Variants in TINAG observed in about 807,000 individuals in gnomAD.
The protein encoded by TINAG is tubulointerstitial nephritis antigen.
Under a neutral mutation model 72.7 loss-of-function variants are expected in TINAG, and 83 were observed. The observed-to-expected ratio is 1.14, with a 90% CI of 0.96 to 1.37. TINAG has a LOEUF of 1.37. Ranked by LOEUF, TINAG falls within the 40% of genes most tolerant of loss-of-function variation. TINAG has a pLI of 0.00. For missense variants in TINAG, 685 were observed against 576.6 expected (o/e 1.19, Z -1.93); for synonymous variants, 234 against 189.9 (o/e 1.23, Z -1.91).
intron 9 of TINAG, among the ~76,000 whole-genome samples, chr6:54,375,672 G>T (rs1279716316): frequency 6.6e-6 from 1 of 151,976 alleles, no homozygotes; most frequent in Non-Finnish European, 1.5e-5. Flanking sequence ...ATCTATTTAG[G>T]GTCAACTGTG....
intron 5 of TINAG, among the ~76,000 whole-genome samples, chr6:54,343,847 A>G (rs1370505531): frequency 1.3e-5 from 2 of 152,186 alleles, no homozygotes; most frequent in African/African-American, 4.8e-5. Flanking sequence ...ATATAAGCAA[A>G]TATATAGGTT....
chr6:54,366,776 G>C (rs1346318621), intron 9 of TINAG, among the ~76,000 whole-genome samples: 1 of 151,662 alleles, frequency 6.6e-6, no homozygotes, highest in Non-Finnish European at 1.5e-5. Flanking sequence ...ACCTACTGTG[G>C]AATGTAGTCA....
intron 3 of TINAG, among the ~76,000 whole-genome samples, chr6:54,324,162 T>G (rs1784553663): frequency 6.6e-6 from 1 of 152,158 alleles, no homozygotes; most frequent in African/African-American, 2.4e-5. Context: ...TAACAAACCA[T>G]TCCAGGATTC....
intron 9 of TINAG, chr6:54,367,166 T>C (rs1763458718): frequency 6.6e-6 from 1 of 151,760 alleles, no homozygotes; most frequent in African/African-American, 2.4e-5. Context: ...CCGTATCCTT[T>C]GAAATGATGT....
In TINAG at chr6:54,343,227, C is replaced by G. The variant is rs1337739603; in HGVS notation, c.626C>G (p.Ala209Gly). Residue 209 changes from alanine (A) to glycine (G), a missense_variant and splice_region_variant, in exon 5 of 11, where the codon GCT (alanine) becomes GGT (glycine). Ala to Gly is a moderately conservative substitution (Grantham distance 60). Coordinates refer to ENST00000259782, the MANE Select transcript of TINAG (RefSeq NM_014464.4). ...PMLLSMNEMT[A>G]SLPATTDLPE... ...TATGTACCTCTTCTTCCTCTTTAGG[C>G]TTCTTTACCTGCAACAACTGATCTT... is the stretch of plus-strand genomic sequence containing the variant. 5 of 1,554,442 alleles carry G rather than the reference C, an allele frequency of 3.2e-6. No homozygotes were observed. Among genetic ancestry groups the G allele is most frequent in the East Asian group, 4.7e-5 (2 of 42,430 alleles).
At position 54,378,607 on chromosome 6, in the gene TINAG, C is replaced by T. The variant is rs142832158; in HGVS notation, c.1251-1919C>T. On this transcript the variant is annotated intron_variant, in intron 9 of 10. Transcript: ENST00000259782. ...TTGAACAAAAGTAAAAGTAATAGTT[C>T]GTATTTCTTAAAAGTTTCCAAGCTA... is the stretch of plus-strand genomic sequence containing the variant. Among the ~76,000 whole-genome samples the T allele has an allele frequency of 5.9e-5, 9 of 152,134 alleles. No individual in the cohort carries two copies. The East Asian group carries it at 9.7e-4, about 16-fold the overall frequency.
chr6:54,325,437 C>CT (rs1784581373), intron 3 of TINAG, among the ~76,000 whole-genome samples: 1 of 152,042 alleles, frequency 6.6e-6, no homozygotes, highest in African/African-American at 2.4e-5. Context: ...TTAGTCATAC[C>CT]TTTCACACTT....
At chr6:54,343,774 G>A (rs1425908675) in intron 5 of TINAG, among the ~76,000 whole-genome samples, 1 of 151,996 alleles carries the variant, frequency 6.6e-6, no homozygotes, top group Admixed American at 6.6e-5. Context: ...CTAATTTGAT[G>A]TGAAGTAAGA....
At chr6:54,322,506 AC>A (rs1409194558) in intron 3 of TINAG, among the ~76,000 whole-genome samples, 1 of 152,212 alleles carries the variant, frequency 6.6e-6, no homozygotes, top group Non-Finnish European at 1.5e-5. Flanking sequence ...AAAAGATTTC[AC>A]ATAAAAAGAT....
chr6:54,377,967 A>AT lies in TINAG; in HGVS notation c.1251-2549dup, dbSNP rs897198304. 8.0e-3 allele frequency among the ~76,000 whole-genome samples: 1,198 copies of AT among 149,422 alleles called. 5 individuals are homozygous for AT. The highest frequency in any genetic ancestry group is 0.021 in the Middle Eastern group (6 of 288). ...CATCGGGGAAAGAACCCGCAGATCT[A>AT]TTTTTTTTTTACAACATCCCATTGC... On this transcript the variant is annotated intron_variant, in intron 9 of 10. Coordinates refer to ENST00000259782, the MANE Select transcript of TINAG (RefSeq NM_014464.4).
At chr6:54,318,288 T>A (rs1220977358) in intron 1 of TINAG, among the ~76,000 whole-genome samples, 2 of 152,144 alleles carry the variant, frequency 1.3e-5, no homozygotes, top group Admixed American at 1.3e-4. Context: ...CTAGCCTAGG[T>A]TTTATCTAAA....
At position 54,325,781 on chromosome 6, in the gene TINAG, C is replaced by A. The variant is rs190775843; in HGVS notation, c.510-1021C>A. Among the ~76,000 whole-genome samples the A allele has an allele frequency of 6.6e-3, 1,010 of 152,260 alleles. 8 individuals carry two copies. Among genetic ancestry groups the A allele is most frequent in the Non-Finnish European group, 0.01 (692 of 68,000 alleles). ...AGCCTTTTGAATTATACTACAATATCTCTTATATTCAGAGGTTCCCTTATT... is the reference window on the plus strand; with the variant it reads ...AGCCTTTTGAATTATACTACAATATATCTTATATTCAGAGGTTCCCTTATT... On this transcript the variant is annotated intron_variant, in intron 3 of 10. Transcript: ENST00000259782.
intron 3 of TINAG, among the ~76,000 whole-genome samples, chr6:54,325,869 A>C (rs1784591433): frequency 6.6e-6 from 1 of 152,314 alleles, no homozygotes; most frequent in Admixed American, 6.5e-5. Context: ...GATCTTGTAC[A>C]AATTAAAAGC....
At chr6:54,373,702 T>G (rs1423856846) in intron 9 of TINAG, among the ~76,000 whole-genome samples, 1 of 152,088 alleles carries the variant, frequency 6.6e-6, no homozygotes, top group Non-Finnish European at 1.5e-5. Context: ...CCATAAAATT[T>G]TATTAACAAA....
chr6:54,314,853 T>TATGTAGA (rs1784336320), intron 1 of TINAG, among the ~76,000 whole-genome samples: 1 of 152,174 alleles, frequency 6.6e-6, no homozygotes, highest in South Asian at 2.1e-4. Flanking sequence ...GGTCATAGTT[T>TATGTAGA]ATGTAGAATT....
At chr6:54,320,794 G>A (rs1210996997) in intron 2 of TINAG, 152 bp downstream of exon 2, 6 of 561,246 alleles carry the variant, frequency 1.1e-5, no homozygotes, top group African/African-American at 7.7e-5. Flanking sequence ...CTTTGTATAA[G>A]CATATTTAAT....
At chr6:54,333,096 G>A (rs1339546606) in intron 4 of TINAG, among the ~76,000 whole-genome samples, 2 of 152,130 alleles carry the variant, frequency 1.3e-5, no homozygotes, top group Non-Finnish European at 2.9e-5. Flanking sequence ...AATACCATTT[G>A]ATTCAGCAAT....
At chr6:54,386,907 T>G (rs1764114429) in intron 10 of TINAG, among the ~76,000 whole-genome samples, 3 of 152,102 alleles carry the variant, frequency 2.0e-5, no homozygotes, top group African/African-American at 7.2e-5. Context: ...TAAGAATAAA[T>G]TATCAGACTA....
chr6:54,349,979 T>G, intron 7 of TINAG, 83 bp downstream of exon 7: 1 of 825,944 alleles, frequency 1.2e-6, no homozygotes, highest in Non-Finnish European at 1.7e-6. Flanking sequence ...ATTTAAAAAC[T>G]AATTAAAACT....
Sources: allele counts gnomAD v4.1 joint callset (sites outside exome capture counted in the v4.1 genomes callset), GRCh38; gene constraint gnomAD v4.1.1; transcripts MANE v1.5; gene names NCBI Gene and HGNC (gene_info 2026-07-23, HGNC 2026-07-21).